Variants in CRYBG2 observed in about 807,000 individuals in gnomAD.
The protein encoded by CRYBG2 is beta/gamma crystallin domain-containing protein 2.
Under a neutral mutation model 153.4 loss-of-function variants are expected in CRYBG2, and 106 were observed. The ratio of observed to expected loss-of-function variants is 0.69; its 90% confidence interval spans 0.59 to 0.81. The LOEUF (loss-of-function observed/expected upper bound fraction) is 0.81. Ranked by LOEUF, CRYBG2 falls within the 30% of genes least tolerant of loss-of-function variation. CRYBG2 has a pLI of 0.00. For synonymous variants in CRYBG2, 851 were observed against 877.8 expected (o/e 0.97, Z 0.54); for missense variants, 1,996 against 2,112.0 (o/e 0.95, Z 1.08).
rs937215996 is a variant in CRYBG2, at chr1:26,337,288, C to T, written c.3736G>A (p.Asp1246Asn). The change falls in exon 10 of 20, where the codon GAC (aspartate) becomes AAC (asparagine). Residue 1246 changes from aspartate to asparagine, a missense_variant. Transcript: ENST00000308182. ...YPDWSHWGGY[D>N]ELLTSLRVIR... is the part of the protein sequence containing the mutation. Reference sequence around the variant, plus strand: ...ACCCGGAGGGAGGTCAGCAACTCGTCATAGCCTCCCCAGTGTGACCAGTCT... The same window carrying T: ...ACCCGGAGGGAGGTCAGCAACTCGTTATAGCCTCCCCAGTGTGACCAGTCT... 23 of 1,613,978 alleles carry T rather than the reference C, an allele frequency of 1.4e-5. No individual in the cohort carries two copies. Among genetic ancestry groups the T allele is most frequent in the Non-Finnish European group, 1.9e-5 (22 of 1,179,996 alleles).
rs1317666379 is a variant in CRYBG2 at position 26,322,250 on chromosome 1, C to T, written c.4811G>A (p.Ser1604Asn). 6.2e-7 allele frequency: 1 copy of T among 1,613,976 alleles called. No homozygotes were observed. The highest frequency in any genetic ancestry group is 8.5e-7 in the Non-Finnish European group (1 of 1,180,036). The change falls in exon 19 of 20, where the codon AGC becomes AAC. Residue 1604 changes from serine to asparagine, a missense_variant. Transcript: ENST00000308182. ...GCTCCACGTCTGGCGCGGCAGGCGG[C>T]TCTCGGCCCACAGCACCACCTTGGA... is the stretch of plus-strand genomic sequence containing the variant. ...PGSKVVLWAE[S>N]RLPRQTWSIS...
chr1:26,344,618 CT>C lies in CRYBG2; in HGVS notation c.2039del (p.Lys680ArgfsTer160). On this transcript the variant is annotated frameshift_variant, in exon 2 of 20. Transcript: ENST00000308182. LOFTEE classifies it high-confidence loss of function. Reference protein sequence around the residue: ...APATSLPKQDKGVQDSEGSPI... With the variant: ...APATSLPKQDXGVQDSEGSPI... Reference sequence around the variant, plus strand: ...GGCTCCCTTCAGAGTCCTGGACCCCCTTATCCTGTTTGGGGAGTGAGGTGGC... The same window carrying C: ...GGCTCCCTTCAGAGTCCTGGACCCCCTATCCTGTTTGGGGAGTGAGGTGGC... 1 of 1,536,220 alleles carries C rather than the reference CT, an allele frequency of 6.5e-7. No homozygotes were observed. Among genetic ancestry groups the C allele is most frequent in the Non-Finnish European group, 8.7e-7 (1 of 1,146,874 alleles).
Position 26,337,390 on chromosome 1 carries a change from CAGG to C in CRYBG2, c.3645-14_3645-12del, listed in dbSNP as rs1557710453. Reference sequence around the variant, plus strand: ...TCGTAGCCCACCCAGCTGGGAAAAGCAGGAGGACAGACAGGCAGGTTCAGTCAT... The same window carrying C: ...TCGTAGCCCACCCAGCTGGGAAAAGCAGGACAGACAGGCAGGTTCAGTCAT... On this transcript the variant is annotated splice_polypyrimidine_tract_variant and intron_variant, in intron 9 of 19. Transcript: ENST00000308182. 2 of 1,612,450 alleles carry C rather than the reference CAGG, an allele frequency of 1.2e-6. No homozygotes were observed. Among genetic ancestry groups the C allele is most frequent in the East Asian group, 2.2e-5 (1 of 44,868 alleles).
In CRYBG2 at chr1:26,336,139, CAG is replaced by C. The variant is rs747979965; in HGVS notation, c.4138_4139del (p.Leu1380AlafsTer20). ...AGGACTGAGGTCGGAAGGAGGCGGG[CAG>C]AGCGGCCTGGTCATCTTCGAAAGAG... ...HFSFEDDQAA[L>X]PASFRPQSCR... On this transcript the variant is annotated frameshift_variant, in exon 14 of 20. Coordinates refer to ENST00000308182, the MANE Select transcript of CRYBG2 (RefSeq NM_001039775.4). LOFTEE classifies it high-confidence loss of function. This position sits in a 1 kb window ranked among gnomAD's most constrained non-coding sequence, Gnocchi z 4.9. The C allele has an allele frequency of 6.5e-7, 1 of 1,530,900 alleles. No homozygotes were observed. The highest frequency in any genetic ancestry group is 2.4e-5 in the East Asian group (1 of 40,904). 94.8% of individuals were successfully genotyped at this position (1,530,900 alleles called of 1,614,324 possible).
In CRYBG2 at chr1:26,337,239, T is replaced by G. The variant is rs768124046; in HGVS notation, c.3771+14A>C. On this transcript the variant is annotated intron_variant, in intron 10 of 19. Coordinates refer to ENST00000308182, the MANE Select transcript of CRYBG2 (RefSeq NM_001039775.4). ...GGCCAGAGGCAGAGGGATGGGCCAA[T>G]TGCCTTTGCTTACCGTCCGGATGAC... 4 of 1,613,752 alleles carry G rather than the reference T, an allele frequency of 2.5e-6. No individual in the cohort carries two copies. In the Admixed American group the frequency reaches 6.7e-5, roughly 27 times the overall value.
At chr1:26,353,025 C>G (rs927507157) in intron 1 of CRYBG2, among the ~76,000 whole-genome samples, 1 of 152,130 alleles carries the variant, frequency 6.6e-6, no homozygotes, top group Non-Finnish European at 1.5e-5. Context: ...AGCAACCTCA[C>G]TCAACCCTCC....
chr1:26,344,655 G>A lies in CRYBG2; in HGVS notation c.2003C>T (p.Pro668Leu), dbSNP rs1169200627. ...PLTKEETVQG[P>L]IAPATSLPKQ... ...GGGGAGTGAGGTGGCAGGAGCAATT[G>A]GGCCTTGAACAGTCTCTTCCTTGGT... Residue 668 changes from proline (P) to leucine (L), a missense_variant, in exon 2 of 20, where the codon CCA (proline) becomes CTA (leucine). By Grantham distance (98) the Pro-to-Leu change is moderately conservative (BLOSUM62 -3). Transcript: ENST00000308182. 1.6e-5 allele frequency: 25 copies of A among 1,535,164 alleles called. 1 individual carries two copies. Among genetic ancestry groups the A allele is most frequent in the Middle Eastern group, 3.3e-4 (2 of 6,010 alleles).
chr1:26,341,346 A>G (rs2074127431), intron 5 of CRYBG2, among the ~76,000 whole-genome samples: 1 of 152,024 alleles, frequency 6.6e-6, no homozygotes, highest in African/African-American at 2.4e-5. Flanking sequence ...GTCTCAAAAA[A>G]AAATAAAAAA....
rs1030567557 is a variant in CRYBG2 at position 26,344,009 on chromosome 1, G to T, written c.2649C>A (p.Thr883=). Residue 883 remains threonine, a synonymous_variant, in exon 2 of 20, where the codon ACC becomes ACA. Coordinates refer to ENST00000308182, the MANE Select transcript of CRYBG2 (RefSeq NM_001039775.4). The part of the protein sequence containing the change: ...LEMMKKHVAG[T]KGPHSELGLE... The stretch of plus-strand genomic sequence containing the variant: ...ATCCCAGCTCTGAGTGGGGGCCCTT[G>T]GTTCCTGCTACATGCTTCTTCATCA... 6.5e-7 allele frequency: 1 copy of T among 1,536,228 alleles called. No homozygotes were observed. The highest frequency in any genetic ancestry group is 8.7e-7 in the Non-Finnish European group (1 of 1,146,904).
rs369066232 is a variant in CRYBG2 at position 26,351,886 on chromosome 1, AC to A, written c.-56+2149del. Among the ~76,000 whole-genome samples, 39 of 152,114 alleles carry A rather than the reference AC, an allele frequency of 2.6e-4. 1 individual carries two copies. In the East Asian group the frequency reaches 6.9e-3, roughly 27 times the overall value. ...CCTTTTGTCCTTGCTCTGAAGACAT[AC>A]CCCAATACAATGACCCAGGATGCCT... On this transcript the variant is annotated intron_variant, in intron 1 of 19. Transcript: ENST00000308182.
intron 1 of CRYBG2, among the ~76,000 whole-genome samples, chr1:26,349,619 G>T (rs969111848): frequency 1.3e-5 from 2 of 152,020 alleles, no homozygotes; most frequent in African/African-American, 4.8e-5. Flanking sequence ...TTCTGCTATG[G>T]CTTGAATATT....
rs1557709438 is a variant in CRYBG2, at chr1:26,336,637, CT to C, written c.4006del (p.Ser1336AlafsTer175). 6.4e-7 allele frequency: 1 copy of C among 1,550,600 alleles called. No homozygotes were observed. Among genetic ancestry groups the C allele is most frequent in the Non-Finnish European group, 8.7e-7 (1 of 1,146,866 alleles). On this transcript the variant is annotated frameshift_variant, in exon 12 of 20. Transcript: ENST00000308182. LOFTEE classifies it high-confidence loss of function. The surrounding 1 kb of genome is among the most constrained non-coding windows in gnomAD (Gnocchi z 4.9). ...RNCEDWGAGN[S>X]TLASLQPVLQ... is the part of the protein sequence containing the mutation. ...GACCGGCTGCAGCGAGGCGAGGGTG[CT>C]GTTGCCAGCGCCCCAGTCCTCGCAG...
intron 15 of CRYBG2, among the ~76,000 whole-genome samples, chr1:26,331,008 C>T (rs541146312): frequency 6.6e-6 from 1 of 152,344 alleles, no homozygotes; most frequent in Admixed American, 6.5e-5. Context: ...TGGAGGACAT[C>T]ACAATTCATT....
At position 26,321,913 on chromosome 1, in the gene CRYBG2, T is replaced by C; in HGVS notation, c.*55A>G. 2.1e-6 allele frequency: 3 copies of C among 1,418,446 alleles called. No homozygotes were observed. In the South Asian group the frequency reaches 4.3e-5, roughly 20 times the overall value. The allele number at this position is 1,418,446 out of a possible 1,614,324, so 87.9% of individuals were successfully genotyped here. A position where few individuals can be genotyped will look rare whatever the true frequency, so the allele number is the denominator to read the frequency against. ...AGCTTATGTTACAACAAAAACCCTA[T>C]AAAAACATTCATCCCAGCAAAAGCC... On this transcript the variant is annotated 3_prime_UTR_variant, in exon 20 of 20. Transcript: ENST00000308182.
At chr1:26,329,798 T>A (rs2073977745) in intron 15 of CRYBG2, among the ~76,000 whole-genome samples, 1 of 152,120 alleles carries the variant, frequency 6.6e-6, no homozygotes, top group Admixed American at 6.5e-5. Context: ...CAGGCTGGAG[T>A]GCAGTGGCGC....
intron 7 of CRYBG2, 38 bp from the exon 8 acceptor site, chr1:26,338,085 T>C (rs759372948): frequency 5.0e-6 from 8 of 1,609,312 alleles, no homozygotes; most frequent in Admixed American, 1.7e-5. Flanking sequence ...AGCCCAGAGA[T>C]GGGAAAGACA....
chr1:26,339,608 T>A (rs868794703), intron 5 of CRYBG2, among the ~76,000 whole-genome samples, 179 bp from the exon 6 acceptor site: 7 of 152,096 alleles, frequency 4.6e-5, no homozygotes, highest in Non-Finnish European at 1.5e-5. Flanking sequence ...TAGCTGGGCA[T>A]GCCCGTAATC....
intron 14 of CRYBG2, among the ~76,000 whole-genome samples, chr1:26,331,990 A>G (rs770766231): frequency 1.3e-5 from 2 of 152,288 alleles, no homozygotes; most frequent in South Asian, 4.1e-4. Context: ...ATGTCCATCA[A>G]TAGGGGATTG....
Position 26,346,643 on chromosome 1 carries a change from A to C in CRYBG2, c.15T>G (p.Gly5=), listed in dbSNP as rs1310106147. 6.5e-7 allele frequency: 1 copy of C among 1,544,748 alleles called. No individual in the cohort carries two copies. Among genetic ancestry groups the C allele is most frequent in the East Asian group, 2.4e-5 (1 of 41,118 alleles). ...GGGCCTTGGCCCGGGCCATGGGCCC[A>C]CCTGCCTCCTCCATGTGGGGCCCTG... is the stretch of plus-strand genomic sequence containing the variant. MEEA[G]GPMARAKARV... is the part of the protein sequence containing the mutation. The change falls in exon 2 of 20, where the codon GGT becomes GGG. Residue 5 remains glycine (G), a synonymous_variant. Coordinates refer to ENST00000308182, the MANE Select transcript of CRYBG2 (RefSeq NM_001039775.4). The surrounding 1 kb of genome is among the most constrained non-coding windows in gnomAD (Gnocchi z 4.9).
Sources: allele counts gnomAD v4.1 joint callset (sites outside exome capture counted in the v4.1 genomes callset), GRCh38; gene constraint gnomAD v4.1.1; non-coding constraint Gnocchi (gnomAD v3.1); transcripts MANE v1.5; gene names NCBI Gene and HGNC (gene_info 2026-07-23, HGNC 2026-07-21).